RABL3: variants seen among roughly 807,000 people sequenced by gnomAD.
RABL3 encodes rab-like protein 3.
RABL3 carries 31 observed loss-of-function variants against 31.8 expected under a neutral mutation model. That is an observed-to-expected ratio of 0.97 (90% CI 0.73 to 1.31). The LOEUF (loss-of-function observed/expected upper bound fraction) is 1.31, where lower values mean the gene tolerates loss of function less well. Among genes scored for constraint, RABL3 ranks in the 40% most tolerant of loss-of-function variants. The probability of loss-of-function intolerance (pLI) is 0.00; values close to 1 mark genes in which losing one functional copy is unlikely to be tolerated. For synonymous variants in RABL3, 97 were observed against 99.9 expected, an observed-to-expected ratio of 0.97 and a Z score of 0.18; for missense variants, 263 against 279.6, an observed-to-expected ratio of 0.94 and a Z score of 0.42.
intron 1 of RABL3, among the ~76,000 whole-genome samples, chr3:120,732,124 T>C (rs1708890919): frequency 6.6e-6 from 1 of 152,180 alleles, no homozygotes; most frequent in South Asian, 2.1e-4. Flanking sequence ...AGAAAAGTTT[T>C]TCTATGAGCA....
intron 2 of RABL3, among the ~76,000 whole-genome samples, chr3:120,723,748 A>G (rs979620836): frequency 6.6e-6 from 1 of 152,064 alleles, no homozygotes; most frequent in Non-Finnish European, 1.5e-5. Flanking sequence ...AAATTCAACA[A>G]CCCTTCATGC....
intron 1 of RABL3, among the ~76,000 whole-genome samples, chr3:120,732,358 C>T (rs1285733957): frequency 6.6e-6 from 1 of 152,056 alleles, no homozygotes; most frequent in Non-Finnish European, 1.5e-5. Context: ...ATTCTCTGGG[C>T]CTCCACTGTA....
At chr3:120,730,261 C>T (rs1162691824) in intron 2 of RABL3, among the ~76,000 whole-genome samples, 1 of 152,176 alleles carries the variant, frequency 6.6e-6, no homozygotes, top group African/African-American at 2.4e-5. Flanking sequence ...TTAATTAAAA[C>T]TATACCTAAT....
intron 1 of RABL3, among the ~76,000 whole-genome samples, chr3:120,738,900 T>A (rs1336958278): frequency 6.6e-6 from 1 of 152,226 alleles, no homozygotes; most frequent in South Asian, 2.1e-4. Context: ...ATGTCCTTAG[T>A]ATACCTTCCC....
At chr3:120,726,806 A>G (rs1459159014) in intron 2 of RABL3, among the ~76,000 whole-genome samples, 3 of 151,970 alleles carry the variant, frequency 2.0e-5, no homozygotes, top group Non-Finnish European at 4.4e-5. Context: ...GACATGGAGC[A>G]AATCTCAACA....
Position 120,725,525 on chromosome 3 carries a change from T to C in RABL3, c.138+5171A>G, listed in dbSNP as rs138280741. ...ATGTTTACTGCAGCACTATTCACAA[T>C]AGCAAAGACTTGGAACCAACCCAAA... On this transcript the variant is annotated intron_variant, in intron 2 of 7. Transcript: ENST00000273375. Among the ~76,000 whole-genome samples, 21 of 152,310 alleles carry C rather than the reference T, an allele frequency of 1.4e-4. 1 individual carries two copies. The highest frequency in any genetic ancestry group is 4.8e-4 in the African/African-American group (20 of 41,566).
intron 2 of RABL3, among the ~76,000 whole-genome samples, chr3:120,724,577 AG>A (rs1164324869): frequency 6.6e-6 from 1 of 152,260 alleles, no homozygotes; most frequent in Non-Finnish European, 1.5e-5. Flanking sequence ...TAACCAAAAC[AG>A]CATGGTACTG....
intron 3 of RABL3, among the ~76,000 whole-genome samples, chr3:120,708,722 A>G (rs1004663738): frequency 6.6e-6 from 1 of 152,000 alleles, no homozygotes; most frequent in African/African-American, 2.4e-5. Flanking sequence ...TGATGATGGC[A>G]TATATCAAGG....
chr3:120,693,499 T>G (rs1708403069), intron 6 of RABL3, among the ~76,000 whole-genome samples: 1 of 152,248 alleles, frequency 6.6e-6, no homozygotes, highest in South Asian at 2.1e-4. Context: ...TACCTTACTA[T>G]GCAATGTGAG....
At chr3:120,735,003 C>T (rs1708937862) in intron 1 of RABL3, among the ~76,000 whole-genome samples, 1 of 152,148 alleles carries the variant, frequency 6.6e-6, no homozygotes, top group Non-Finnish European at 1.5e-5. Flanking sequence ...GTCTAAAATT[C>T]TCTTTTTTTG....
At chr3:120,702,702 C>T (rs1043186058) in intron 4 of RABL3, among the ~76,000 whole-genome samples, 22 of 151,744 alleles carry the variant, frequency 1.4e-4, no homozygotes, top group East Asian at 5.8e-4. Context: ...GGACTACAGG[C>T]GCCCGCCACA....
intron 1 of RABL3, among the ~76,000 whole-genome samples, chr3:120,741,271 A>G (rs1709039555): frequency 6.6e-6 from 1 of 152,240 alleles, no homozygotes; most frequent in African/African-American, 2.4e-5. Context: ...ATAAATTGTG[A>G]TTATGTTCAT....
intron 1 of RABL3, among the ~76,000 whole-genome samples, chr3:120,739,567 A>G (rs574975310): frequency 5.9e-5 from 9 of 152,146 alleles, no homozygotes; most frequent in African/African-American, 1.9e-4. Context: ...TGAGCTCTTT[A>G]TCTATTAAAT....
Position 120,697,348 on chromosome 3 carries a change from T to C in RABL3, c.534+1075A>G, listed in dbSNP as rs138596942. Among the ~76,000 whole-genome samples, 742 of 152,362 alleles carry C rather than the reference T, an allele frequency of 4.9e-3. 11 individuals are homozygous for C. Among genetic ancestry groups the C allele is most frequent in the African/African-American group, 0.017 (709 of 41,594 alleles). On this transcript the variant is annotated intron_variant, in intron 5 of 7. Coordinates refer to ENST00000273375, the MANE Select transcript of RABL3 (RefSeq NM_173825.5). ...ATCTTTAAAAAGAGGATAGTAATAG[T>C]ACCTGTCTTATAGAGTTGATTGTGA...
intron 1 of RABL3, among the ~76,000 whole-genome samples, chr3:120,733,968 T>G: frequency 6.6e-6 from 1 of 152,216 alleles, no homozygotes; most frequent in East Asian, 1.9e-4. Flanking sequence ...GTAGTGTAGT[T>G]TGAAGTCAGG....
chr3:120,737,757 T>C (rs921336189), intron 1 of RABL3, among the ~76,000 whole-genome samples: 1 of 152,260 alleles, frequency 6.6e-6, no homozygotes, highest in Admixed American at 6.5e-5. Flanking sequence ...GACCCTCAGC[T>C]GCAGGTCTGT....
At chr3:120,707,079 G>C (rs1434830915) in intron 3 of RABL3, among the ~76,000 whole-genome samples, 1 of 152,126 alleles carries the variant, frequency 6.6e-6, no homozygotes, top group Non-Finnish European at 1.5e-5. Context: ...TTGTGAATAG[G>C]ACATGAAACC....
chr3:120,735,416 C>T (rs1041096780), intron 1 of RABL3, among the ~76,000 whole-genome samples: 1 of 149,290 alleles, frequency 6.7e-6, no homozygotes, highest in African/African-American at 2.4e-5. Flanking sequence ...TTTATTGCGT[C>T]TGTTTGATTC....
chr3:120,742,491 C>T lies in RABL3; in HGVS notation c.17G>A (p.Arg6Gln), dbSNP rs1260977371. 1.2e-6 allele frequency: 2 copies of T among 1,614,184 alleles called. No homozygotes were observed. The highest frequency in any genetic ancestry group is 1.7e-5 in the Admixed American group (1 of 60,022). The change falls in exon 1 of 8, where the codon CGG (arginine) becomes CAG (glutamine). Residue 6 changes from arginine (R) to glutamine (Q), a missense_variant. Transcript: ENST00000273375. ...GTCTCCCAACACCAGTACCTTCACC[C>T]GATCCAGGGACGCCATCTTGCCACT... MASLD[R>Q]VKVLVLGDSG...
Sources: gnomAD v4.1 joint callset for allele counts (sites outside exome capture counted in the v4.1 genomes callset) on GRCh38, gnomAD v4.1.1 for gene constraint, MANE v1.5 for transcripts, NCBI Gene and HGNC (gene_info 2026-07-23, HGNC 2026-07-21) for gene names.